ADAMTS18: variants seen among roughly 807,000 people sequenced by gnomAD.
ADAMTS18 encodes ADAM metallopeptidase with thrombospondin type 1 motif 18, also known as A disintegrin and metalloproteinase with thrombospondin motifs 18.
A neutral mutation model predicts 165.9 loss-of-function variants in ADAMTS18; 157 were observed. That is an observed-to-expected ratio of 0.95 (90% CI 0.83 to 1.08). The LOEUF (loss-of-function observed/expected upper bound fraction) is 1.08. Among genes scored for constraint, ADAMTS18 ranks in the 50% least tolerant of loss-of-function variants. The probability of loss-of-function intolerance (pLI) is 0.00; values close to 1 mark genes in which losing one functional copy is unlikely to be tolerated. For synonymous variants in ADAMTS18, 782 were observed against 578.2 expected (o/e 1.35, Z -5.06); for missense variants, 2,040 against 1,534.0 (o/e 1.33, Z -5.51).
At chr16:77,306,226 C>T in intron 16 of ADAMTS18, among the ~76,000 whole-genome samples, 1 of 152,170 alleles carries the variant, frequency 6.6e-6, no homozygotes. Flanking sequence ...GCTTCCAGGT[C>T]CTCCATAGAG....
Position 77,293,628 on chromosome 16 carries a change from A to C in ADAMTS18, c.3007-370T>G, listed in dbSNP as rs139271407. On this transcript the variant is annotated intron_variant, in intron 19 of 22. Transcript: ENST00000282849. ...CTGACCCCTAATTCCCTAACGTATC[A>C]GTCTCCAATTTCTTTGGCACCAGGG... 3.0e-3 allele frequency among the ~76,000 whole-genome samples: 448 copies of C among 151,860 alleles called. 2 individuals are homozygous for C. Among genetic ancestry groups the C allele is most frequent in the African/African-American group, 0.01 (434 of 41,382 alleles).
chr16:77,398,878 T>C (rs2057292225), intron 3 of ADAMTS18, among the ~76,000 whole-genome samples: 1 of 152,038 alleles, frequency 6.6e-6, no homozygotes, highest in African/African-American at 2.4e-5. Context: ...AGACTGAAAA[T>C]ATGCACCTAG....
chr16:77,322,321 G>A lies in ADAMTS18; in HGVS notation c.2163+15C>T, dbSNP rs931514726. ...AAGCATGCTCATACACTCCAAAGCA[G>A]AAACGTTCTCTTACTTCACAAACCC... On this transcript the variant is annotated intron_variant, in intron 14 of 22. Coordinates refer to ENST00000282849, the MANE Select transcript of ADAMTS18 (RefSeq NM_199355.4). The A allele has an allele frequency of 6.2e-7, 1 of 1,613,848 alleles. No homozygotes were observed. Among genetic ancestry groups the A allele is most frequent in the Non-Finnish European group, 8.5e-7 (1 of 1,179,866 alleles).
chr16:77,321,976 C>T (rs181991971), intron 14 of ADAMTS18, among the ~76,000 whole-genome samples: 3 of 151,802 alleles, frequency 2.0e-5, no homozygotes, highest in East Asian at 2.0e-4. Flanking sequence ...GCCAACATGG[C>T]GAAATCCCGT....
At chr16:77,295,250 A>G in intron 18 of ADAMTS18, 123 bp from the exon 19 acceptor site, 1 of 977,088 alleles carries the variant, frequency 1.0e-6, no homozygotes, top group Non-Finnish European at 1.6e-6. Context: ...CAATAAGATA[A>G]GTTATTCTAA....
At chr16:77,330,876 AT>A (rs2056177702) in intron 12 of ADAMTS18, among the ~76,000 whole-genome samples, 5 of 152,358 alleles carry the variant, frequency 3.3e-5, no homozygotes, top group African/African-American at 9.6e-5. Context: ...AGTGATGTGA[AT>A]AGAACCAAAT....
intron 12 of ADAMTS18, among the ~76,000 whole-genome samples, chr16:77,326,539 C>A (rs1567484647): frequency 6.6e-6 from 1 of 152,082 alleles, no homozygotes; most frequent in African/African-American, 2.4e-5. Flanking sequence ...TGCACCACTA[C>A]ACCTGGCTAA....
At chr16:77,384,960 A>G (rs1168677268) in intron 3 of ADAMTS18, among the ~76,000 whole-genome samples, 1 of 150,678 alleles carries the variant, frequency 6.6e-6, no homozygotes, top group Non-Finnish European at 1.5e-5. Context: ...CCCAAGCTGG[A>G]ATGCAGTGGA....
intron 8 of ADAMTS18, among the ~76,000 whole-genome samples, chr16:77,357,955 C>T (rs1414748929): frequency 1.3e-5 from 2 of 152,116 alleles, no homozygotes; most frequent in African/African-American, 2.4e-5. Context: ...AACACATATG[C>T]AAAGATAATG....
chr16:77,377,689 T>C (rs1403377251), intron 3 of ADAMTS18, among the ~76,000 whole-genome samples: 3 of 152,222 alleles, frequency 2.0e-5, no homozygotes, highest in African/African-American at 7.2e-5. Flanking sequence ...ATTAATTTAT[T>C]TTTCACTTTT....
intron 5 of ADAMTS18, 61 bp downstream of exon 5, chr16:77,364,127 G>C: frequency 6.2e-7 from 1 of 1,601,442 alleles, no homozygotes; most frequent in Non-Finnish European, 8.6e-7. Context: ...ACCCATGCAA[G>C]AGAATTCCAT....
intron 3 of ADAMTS18, among the ~76,000 whole-genome samples, chr16:77,400,219 G>T (rs1372997040): frequency 6.6e-6 from 1 of 152,092 alleles, no homozygotes; most frequent in Non-Finnish European, 1.5e-5. Context: ...GACAGTTCAG[G>T]CTAAGCTCAG....
At chr16:77,390,928 A>G (rs1405525724) in intron 3 of ADAMTS18, among the ~76,000 whole-genome samples, 1 of 152,220 alleles carries the variant, frequency 6.6e-6, no homozygotes. Context: ...AACAGTCTGG[A>G]AAGTTCTATG....
At chr16:77,414,957 G>A (rs2057510892) in intron 3 of ADAMTS18, among the ~76,000 whole-genome samples, 1 of 152,204 alleles carries the variant, frequency 6.6e-6, no homozygotes, top group African/African-American at 2.4e-5. Flanking sequence ...GTGCTCACTT[G>A]TATTTACTAC....
chr16:77,425,042 C>G (rs940976823), intron 3 of ADAMTS18, among the ~76,000 whole-genome samples: 4 of 152,202 alleles, frequency 2.6e-5, no homozygotes, highest in African/African-American at 7.2e-5. Flanking sequence ...ACTGAGCTTT[C>G]TGAGTCATAA....
At chr16:77,378,406 G>A (rs563764230) in intron 3 of ADAMTS18, among the ~76,000 whole-genome samples, 1 of 151,518 alleles carries the variant, frequency 6.6e-6, no homozygotes, top group East Asian at 2.0e-4. Context: ...GATTAAATGA[G>A]TTAATACTTT....
intron 6 of ADAMTS18, among the ~76,000 whole-genome samples, chr16:77,363,265 C>T (rs2056742345): frequency 6.6e-6 from 1 of 152,102 alleles, no homozygotes; most frequent in Non-Finnish European, 1.5e-5. Context: ...GTGATCAATC[C>T]AAGGACAGTT....
At chr16:77,289,754 A>G (rs2055327167) in intron 21 of ADAMTS18, among the ~76,000 whole-genome samples, 1 of 152,180 alleles carries the variant, frequency 6.6e-6, no homozygotes, top group Non-Finnish European at 1.5e-5. Flanking sequence ...TAATCACAGG[A>G]TTTAAAGAAT....
At chr16:77,326,088 AT>A in intron 12 of ADAMTS18, 50 bp from the exon 13 acceptor site, 2 of 1,553,042 alleles carry the variant, frequency 1.3e-6, no homozygotes, top group South Asian at 1.1e-5. Context: ...AGGGCTCATT[AT>A]TAGTCACATG....
Sources: gnomAD v4.1 joint callset for allele counts (sites outside exome capture counted in the v4.1 genomes callset) on GRCh38, gnomAD v4.1.1 for gene constraint, MANE v1.5 for transcripts, NCBI Gene and HGNC (gene_info 2026-07-23, HGNC 2026-07-21) for gene names.